The following CADM2 variants were observed in gnomAD, a reference collection of about 807,000 sequenced individuals.
CADM2 encodes cell adhesion molecule 2.
Under a neutral mutation model 49.8 loss-of-function variants are expected in CADM2, and 12 were observed. The ratio of observed to expected loss-of-function variants is 0.24; its 90% CI spans 0.15 to 0.39. The LOEUF is 0.39. Among genes scored for constraint, CADM2 ranks in the 10% least tolerant of loss-of-function variants. CADM2 has a pLI of 1.00. For missense variants in CADM2, 378 were observed against 492.3 expected (o/e 0.77, Z 2.20); for synonymous variants, 214 against 175.4 (o/e 1.22, Z -1.74).
chr3:85,357,795 T>C (rs1217580193), intron 1 of CADM2, among the ~76,000 whole-genome samples: 2 of 152,040 alleles, frequency 1.3e-5, no homozygotes, highest in Admixed American at 6.6e-5. Context: ...ACAGTAGAGA[T>C]TGTATCATTT....
chr3:85,913,147 A>T (rs1304788606), intron 6 of CADM2, among the ~76,000 whole-genome samples: 3 of 152,192 alleles, frequency 2.0e-5, no homozygotes, highest in Non-Finnish European at 4.4e-5. Flanking sequence ...CCTGATGAGT[A>T]GTTACTCTCA....
intron 1 of CADM2, among the ~76,000 whole-genome samples, chr3:85,181,348 G>GT (rs1235347041): frequency 6.6e-6 from 1 of 152,072 alleles, no homozygotes; most frequent in African/African-American, 2.4e-5. Context: ...AGGCATCTAA[G>GT]TGGTAGATGC....
chr3:85,072,700 C>T (rs905361755), intron 1 of CADM2, among the ~76,000 whole-genome samples: 8 of 151,850 alleles, frequency 5.3e-5, no homozygotes, highest in East Asian at 1.9e-4. Context: ...AACCATCTAC[C>T]GTCTTTTCTT....
intron 1 of CADM2, among the ~76,000 whole-genome samples, chr3:85,453,231 T>G (rs1454091575): frequency 6.6e-6 from 1 of 152,176 alleles, no homozygotes; most frequent in Non-Finnish European, 1.5e-5. Flanking sequence ...TTATTTCATG[T>G]AAGTATATAT....
intron 1 of CADM2, among the ~76,000 whole-genome samples, chr3:85,207,213 C>G (rs1382370434): frequency 6.6e-6 from 1 of 152,060 alleles, no homozygotes; most frequent in Non-Finnish European, 1.5e-5. Flanking sequence ...AGTGTTGACT[C>G]TTATTTTCTT....
rs1739801716 is a variant in CADM2, at chr3:86,070,839, T to C, written c.*4056T>C. The C allele has an allele frequency of 6.6e-6, 1 of 151,858 alleles. No individual in the cohort carries two copies. The highest frequency in any genetic ancestry group is 2.1e-4 in the South Asian group (1 of 4,828). 9.4% of individuals were successfully genotyped at this position (151,858 alleles called of 1,614,324 possible). A position where few individuals can be genotyped will look rare whatever the true frequency, so the allele number is the denominator to read the frequency against. On this transcript the variant is annotated 3_prime_UTR_variant, in exon 10 of 10. Coordinates refer to ENST00000383699, the MANE Select transcript of CADM2 (RefSeq NM_001167675.2). ...GTAATTATAATATGCATTTTGAATA[T>C]TGGGAAAGAGGAAATCTTAGTGTAG...
chr3:85,541,704 A>ATATG (rs1383524036), intron 1 of CADM2, among the ~76,000 whole-genome samples: 1 of 139,350 alleles, frequency 7.2e-6, no homozygotes, highest in Non-Finnish European at 1.5e-5. Context: ...ATTAAATTAT[A>ATATG]TATATATTTT....
chr3:85,184,414 AT>A (rs1042227618), intron 1 of CADM2, among the ~76,000 whole-genome samples: 8 of 151,762 alleles, frequency 5.3e-5, no homozygotes, highest in East Asian at 3.9e-4. Flanking sequence ...TACTTATTGC[AT>A]TTTTTTTCCT....
At chr3:85,937,737 T>C (rs547242987) in intron 7 of CADM2, among the ~76,000 whole-genome samples, 2 of 152,106 alleles carry the variant, frequency 1.3e-5, no homozygotes, top group East Asian at 3.9e-4. Flanking sequence ...GGCTTTCTTC[T>C]ATATTTATAT....
At chr3:85,172,659 A>G (rs1185148368) in intron 1 of CADM2, among the ~76,000 whole-genome samples, 1 of 151,774 alleles carries the variant, frequency 6.6e-6, no homozygotes, top group Non-Finnish European at 1.5e-5. Context: ...AGAAGTTTGA[A>G]TTGTTTTCTC....
At chr3:85,451,118 A>G (rs2037729444) in intron 1 of CADM2, among the ~76,000 whole-genome samples, 1 of 152,070 alleles carries the variant, frequency 6.6e-6, no homozygotes, top group Admixed American at 6.6e-5. Flanking sequence ...TTCAAAAGTA[A>G]ATGTTTATAT....
At chr3:85,347,223 C>CAAAAAAAA (rs11331703) in intron 1 of CADM2, among the ~76,000 whole-genome samples, 485 of 46,152 alleles carry the variant, frequency 0.011, 19 homozygotes, top group East Asian at 0.019. Context: ...CTCTGTCTCA[C>CAAAAAAAA]AAAAAAAAAA....
chr3:85,465,497 A>C (rs1465558466), intron 1 of CADM2, among the ~76,000 whole-genome samples: 2 of 152,134 alleles, frequency 1.3e-5, no homozygotes, highest in Non-Finnish European at 2.9e-5. Context: ...CCAACTCCAA[A>C]TTTATATATA....
chr3:85,109,987 C>G (rs1575888520), intron 1 of CADM2, among the ~76,000 whole-genome samples: 1 of 151,872 alleles, frequency 6.6e-6, no homozygotes, highest in Non-Finnish European at 1.5e-5. Context: ...CCCCATTTAC[C>G]TAAACATTGC....
intron 5 of CADM2, among the ~76,000 whole-genome samples, chr3:85,893,377 T>C (rs1033476695): frequency 6.6e-6 from 1 of 152,142 alleles, no homozygotes; most frequent in Non-Finnish European, 1.5e-5. Flanking sequence ...ATGTTAGACC[T>C]AAAACCATAA....
At chr3:86,000,191 A>G (rs1730000369) in intron 8 of CADM2, among the ~76,000 whole-genome samples, 1 of 152,140 alleles carries the variant, frequency 6.6e-6, no homozygotes, top group Non-Finnish European at 1.5e-5. Context: ...AAATTAACAG[A>G]GCTTTTACTT....
intron 1 of CADM2, among the ~76,000 whole-genome samples, chr3:85,062,932 A>T (rs553562108): frequency 5.8e-5 from 8 of 138,000 alleles, no homozygotes; most frequent in South Asian, 2.1e-4. Flanking sequence ...ATTTTAGACT[A>T]TTTGATTTGA....
intron 1 of CADM2, among the ~76,000 whole-genome samples, chr3:85,535,321 T>C (rs1219785124): frequency 6.6e-6 from 1 of 152,132 alleles, no homozygotes; most frequent in African/African-American, 2.4e-5. Context: ...TATGCACATA[T>C]GAATACAGAA....
intron 1 of CADM2, among the ~76,000 whole-genome samples, chr3:85,457,927 T>C (rs1301411456): frequency 6.6e-6 from 1 of 152,216 alleles, no homozygotes; most frequent in African/African-American, 2.4e-5. Context: ...AGTACTTTTC[T>C]ACTCTTATTT....
Sources: allele counts gnomAD v4.1 joint callset (sites outside exome capture counted in the v4.1 genomes callset), GRCh38; gene constraint gnomAD v4.1.1; transcripts MANE v1.5; gene names NCBI Gene and HGNC (gene_info 2026-07-23, HGNC 2026-07-21).